The following FBXO4 variants were observed in gnomAD, a reference collection of about 807,000 sequenced individuals.
FBXO4 encodes F-box only protein 4.
Under a neutral mutation model 43.7 loss-of-function variants are expected in FBXO4, and 36 were observed. The observed-to-expected ratio is 0.82, with a 90% CI of 0.63 to 1.09. FBXO4 has a LOEUF of 1.09. FBXO4 is among the 50% of genes least tolerant of loss of function. The pLI is 0.00. For synonymous variants in FBXO4, 180 were observed against 165.6 expected, an observed-to-expected ratio of 1.09 and a Z score of -0.67; for missense variants, 435 against 474.1, an observed-to-expected ratio of 0.92 and a Z score of 0.77.
the FBXO4 span, among the ~76,000 whole-genome samples, chr5:42,010,866 CTCTTTCTTTTTCTTTTTTTTTAAATT>C: frequency 1.1e-4 from 16 of 151,970 alleles, no homozygotes; most frequent in African/African-American, 3.9e-4. Flanking sequence ...TTATTTTCTG[CTCTTTCTTTTTCTTTTTTTTTAAATT>C]ATACTTTAAG....
At chr5:42,023,900 A>G in the FBXO4 span, among the ~76,000 whole-genome samples, 2 of 152,000 alleles carry the variant, frequency 1.3e-5, no homozygotes, top group Non-Finnish European at 2.9e-5. Flanking sequence ...TGCAACAAAG[A>G]AAACTGTGGG....
chr5:42,021,171 A>C, the FBXO4 span, among the ~76,000 whole-genome samples: 2 of 152,180 alleles, frequency 1.3e-5, no homozygotes, highest in Admixed American at 1.3e-4. Flanking sequence ...GCTATATAGA[A>C]AATAGATTAA....
intron 2 of FBXO4, among the ~76,000 whole-genome samples, chr5:41,927,832 G>C (rs1751555099): frequency 6.6e-6 from 1 of 152,100 alleles, no homozygotes; most frequent in African/African-American, 2.4e-5. Flanking sequence ...GTTCATGGAG[G>C]TTATGTGATT....
chr5:42,021,034 A>G, the FBXO4 span, among the ~76,000 whole-genome samples: 52 of 152,282 alleles, frequency 3.4e-4, no homozygotes, highest in African/African-American at 7.2e-5. Context: ...GAGGAAGGCA[A>G]GAATCAGATC....
chr5:42,009,701 TA>T, the FBXO4 span, among the ~76,000 whole-genome samples: 1 of 152,242 alleles, frequency 6.6e-6, no homozygotes, highest in East Asian at 1.9e-4. Flanking sequence ...GACTGTTACA[TA>T]ATTGCTTGTT....
At chr5:41,984,738 T>C in the FBXO4 span, among the ~76,000 whole-genome samples, 5 of 152,290 alleles carry the variant, frequency 3.3e-5, no homozygotes, top group South Asian at 1.0e-3. Context: ...CTCGAAATCC[T>C]GACCTCGAGT....
intron 3 of FBXO4, among the ~76,000 whole-genome samples, chr5:41,931,686 G>A (rs1001178631): frequency 1.6e-4 from 25 of 152,340 alleles, no homozygotes; most frequent in Admixed American, 4.6e-4. Context: ...GCTCTCAAGA[G>A]CAAGATCTGG....
chr5:42,012,081 G>A, the FBXO4 span, among the ~76,000 whole-genome samples: 2 of 152,168 alleles, frequency 1.3e-5, no homozygotes, highest in Non-Finnish European at 2.9e-5. Context: ...TTATGGAGAC[G>A]TTAGATTGTA....
At chr5:42,030,766 A>G in the FBXO4 span, among the ~76,000 whole-genome samples, 4 of 152,168 alleles carry the variant, frequency 2.6e-5, no homozygotes, top group Admixed American at 2.0e-4. Context: ...TACAAGAAAA[A>G]AACAAACAAC....
At chr5:42,024,814 T>C in the FBXO4 span, among the ~76,000 whole-genome samples, 1 of 152,090 alleles carries the variant, frequency 6.6e-6, no homozygotes, top group Non-Finnish European at 1.5e-5. Context: ...TGTCTTTCTG[T>C]TCCTGGCTTA....
At chr5:41,989,945 A>G in the FBXO4 span, among the ~76,000 whole-genome samples, 30 of 152,312 alleles carry the variant, frequency 2.0e-4, 1 homozygote, top group African/African-American at 7.2e-4. Context: ...CAGGGACCGA[A>G]TATATGCCTG....
At chr5:42,000,668 C>T in the FBXO4 span, among the ~76,000 whole-genome samples, 2 of 152,066 alleles carry the variant, frequency 1.3e-5, no homozygotes, top group Admixed American at 6.5e-5. Context: ...AGACCAACGA[C>T]AAAAAATGAC....
chr5:42,011,420 T>C, the FBXO4 span, among the ~76,000 whole-genome samples: 12 of 152,204 alleles, frequency 7.9e-5, no homozygotes, highest in African/African-American at 2.9e-4. Flanking sequence ...CCTCACCAGA[T>C]GTGGCTGCTC....
Position 41,927,886 on chromosome 5 carries a change from C to T in FBXO4, c.425+638C>T, listed in dbSNP as rs796517541. The stretch of plus-strand genomic sequence containing the variant: ...TTGTAAGGGACTATTCAGACTGGAA[C>T]CCCATTATGCTACCTCAAAGATATA... On this transcript the variant is annotated intron_variant, in intron 2 of 6. Transcript: ENST00000281623. 2.0e-4 allele frequency among the ~76,000 whole-genome samples: 30 copies of T among 152,226 alleles called. 1 individual carries two copies. The highest frequency in any genetic ancestry group is 7.2e-4 in the African/African-American group (30 of 41,550).
At chr5:41,967,986 TG>T in the FBXO4 span, 1 of 454,666 alleles carries the variant, frequency 2.2e-6, no homozygotes, top group Non-Finnish European at 4.5e-6. Context: ...CGCTCAGGCA[TG>T]GCCCTTTGTT....
the FBXO4 span, among the ~76,000 whole-genome samples, chr5:42,020,154 G>A: frequency 1.3e-5 from 2 of 152,002 alleles, no homozygotes; most frequent in Non-Finnish European, 2.9e-5. Context: ...AAGAAATAGT[G>A]CCCCCAATAT....
At chr5:41,957,575 C>A in the FBXO4 span, among the ~76,000 whole-genome samples, 1 of 151,128 alleles carries the variant, frequency 6.6e-6, no homozygotes, top group East Asian at 1.9e-4. Flanking sequence ...TTTCATCTTT[C>A]ATTTCTAGGA....
chr5:42,032,798 CAGG>C, the FBXO4 span, among the ~76,000 whole-genome samples: 41 of 152,248 alleles, frequency 2.7e-4, 1 homozygote, highest in Non-Finnish European at 3.4e-4. Context: ...TTTCAAGCAA[CAGG>C]AGTTTTACAC....
At chr5:41,962,513 T>G in the FBXO4 span, among the ~76,000 whole-genome samples, 1 of 152,158 alleles carries the variant, frequency 6.6e-6, no homozygotes, top group South Asian at 2.1e-4. Context: ...GCTCTTCTCT[T>G]AGCCACAGGT....
Sources: gnomAD v4.1 joint callset for allele counts (sites outside exome capture counted in the v4.1 genomes callset) on GRCh38, gnomAD v4.1.1 for gene constraint, MANE v1.5 for transcripts, NCBI Gene and HGNC (gene_info 2026-07-23, HGNC 2026-07-21) for gene names.